The following TTC39B variants were observed in gnomAD, a reference collection of about 807,000 sequenced individuals.
TTC39B encodes tetratricopeptide repeat domain 39B, also known as tetratricopeptide repeat protein 39B.
A neutral mutation model predicts 96.6 loss-of-function variants in TTC39B; 92 were observed. The ratio of observed to expected loss-of-function variants is 0.95; its 90% CI spans 0.80 to 1.13. TTC39B has a LOEUF of 1.13. Among genes scored for constraint, TTC39B ranks in the 50% most tolerant of loss-of-function variants. The pLI, the probability that TTC39B is intolerant of heterozygous loss-of-function variation, is 0.00. For missense variants in TTC39B, 955 were observed against 809.3 expected (o/e 1.18, Z -2.18); for synonymous variants, 367 against 299.4 (o/e 1.23, Z -2.33).
At chr9:15,205,826 G>T (rs71513216) in intron 6 of TTC39B, among the ~76,000 whole-genome samples, 1 of 152,090 alleles carries the variant, frequency 6.6e-6, no homozygotes, top group Non-Finnish European at 1.5e-5. Context: ...TGGCAGCGGT[G>T]GGGGAGCCGG....
intron 16 of TTC39B, among the ~76,000 whole-genome samples, chr9:15,182,661 T>G (rs1295330214): frequency 6.6e-6 from 1 of 152,220 alleles, no homozygotes; most frequent in Admixed American, 6.5e-5. Flanking sequence ...TTAATTCTTT[T>G]GGAAGGTAAT....
chr9:15,185,465 T>A (rs765554624), intron 15 of TTC39B, 59 bp from the exon 16 acceptor site: 2 of 1,599,896 alleles, frequency 1.3e-6, no homozygotes, highest in Non-Finnish European at 1.7e-6. Context: ...ACATTATTTG[T>A]ACCTGTGGTT....
chr9:15,178,020 C>A (rs890629730), intron 17 of TTC39B, among the ~76,000 whole-genome samples: 2 of 151,846 alleles, frequency 1.3e-5, no homozygotes, highest in Non-Finnish European at 2.9e-5. Flanking sequence ...CAGGTGCCCA[C>A]CACCACGCCC....
chr9:15,191,564 G>C (rs7024176), intron 9 of TTC39B, among the ~76,000 whole-genome samples: 56,087 of 152,032 alleles, frequency 0.37, 11,234 homozygotes, highest in East Asian at 0.62. Context: ...CCACATCCAG[G>C]CAAGGTTTCT....
chr9:15,187,977 C>G (rs1233983324), exon 14 of TTC39B: 14 of 1,586,208 alleles, frequency 8.8e-6, no homozygotes, highest in Non-Finnish European at 1.2e-5. Flanking sequence ...TTACCTTGGA[C>G]CATTTACTCT....
At chr9:15,185,947 G>A (rs1017937022) in intron 15 of TTC39B, among the ~76,000 whole-genome samples, 1 of 152,102 alleles carries the variant, frequency 6.6e-6, no homozygotes, top group African/African-American at 2.4e-5. Flanking sequence ...AGGTTGTTTG[G>A]GAAATAATCA....
Position 15,303,848 on chromosome 9 carries a change from T to C in TTC39B, c.240+3236A>G, listed in dbSNP as rs370952359. Among the ~76,000 whole-genome samples, 33 of 152,078 alleles carry C rather than the reference T, an allele frequency of 2.2e-4. 3 individuals carry two copies. The highest frequency in any genetic ancestry group is 1.6e-3 in the Admixed American group (25 of 15,260). ...CTGGGTGTCACCATGTTGGTCAGGC[T>C]GGTCTCGAACTCCTGACCTCAGGTG... On this transcript the variant is annotated intron_variant, in intron 1 of 19. Transcript: ENST00000512701.
chr9:15,193,150 G>C (rs1818956338), intron 8 of TTC39B, among the ~76,000 whole-genome samples: 1 of 152,158 alleles, frequency 6.6e-6, no homozygotes, highest in Admixed American at 6.5e-5. Context: ...AAATAAATTA[G>C]GGCTTGGGAC....
At position 15,273,762 on chromosome 9, in the gene TTC39B, C is replaced by G. The variant is rs375768137; in HGVS notation, c.241-5814G>C. Among the ~76,000 whole-genome samples the G allele has an allele frequency of 1.6e-4, 24 of 152,250 alleles. No homozygotes were observed. In the East Asian group the frequency reaches 2.3e-3, roughly 15 times the overall value. On this transcript the variant is annotated intron_variant, in intron 1 of 19. Transcript: ENST00000512701. ...ACCAATGAAGCTGTGTGTTTGGTATCATGGACTCAAAGAACGCTACAACTG... is the reference window on the plus strand; with the variant it reads ...ACCAATGAAGCTGTGTGTTTGGTATGATGGACTCAAAGAACGCTACAACTG...
At position 15,166,979 on chromosome 9, in the gene TTC39B, A is replaced by AT. The variant is rs1371714154; in HGVS notation, c.*5039dup. 1.5e-4 allele frequency: 5 copies of AT among 33,432 alleles called. 1 individual carries two copies. Among genetic ancestry groups the AT allele is most frequent in the South Asian group, 2.1e-3 (2 of 936 alleles). 2.1% of individuals were successfully genotyped at this position (33,432 alleles called of 1,614,324 possible). On this transcript the variant is annotated 3_prime_UTR_variant, in exon 20 of 20. Transcript: ENST00000512701. ...GGGTAACATGTGTCCACAAACCTTTATTTTATATATATATATATATATATA... is the reference window on the plus strand; with the variant it reads ...GGGTAACATGTGTCCACAAACCTTTATTTTTATATATATATATATATATATA...
intron 2 of TTC39B, among the ~76,000 whole-genome samples, chr9:15,233,756 G>A (rs1433002398): frequency 1.3e-5 from 2 of 152,176 alleles, no homozygotes; most frequent in African/African-American, 2.4e-5. Context: ...AGCCGAGATT[G>A]CAGCCTCTGC....
chr9:15,249,957 T>C, intron 2 of TTC39B: 6 of 1,288,086 alleles, frequency 4.7e-6, no homozygotes, highest in Non-Finnish European at 6.1e-6. Context: ...ATGAATATAG[T>C]CCCACTATGA....
intron 7 of TTC39B, 81 bp downstream of exon 7, chr9:15,203,742 G>T: frequency 8.9e-7 from 1 of 1,120,834 alleles, no homozygotes; most frequent in South Asian, 1.6e-5. Context: ...CTGAAGCTTT[G>T]ACATAGAATG....
At chr9:15,192,684 G>C in exon 9 of TTC39B, 1 of 1,613,428 alleles carries the variant, frequency 6.2e-7, no homozygotes, top group Non-Finnish European at 8.5e-7. Context: ...ATGCAGGATA[G>C]AAAGACATTC....
In TTC39B at chr9:15,269,849, C is replaced by T. The variant is rs972392893; in HGVS notation, c.241-1901G>A. Among the ~76,000 whole-genome samples the T allele has an allele frequency of 6.0e-5, 8 of 132,328 alleles. No homozygotes were observed. The South Asian group carries it at 7.3e-4, about 12-fold the overall frequency. 86.8% of individuals were successfully genotyped at this position (132,328 alleles called of 152,430 possible). A position where few individuals can be genotyped will look rare whatever the true frequency, so the allele number is the denominator to read the frequency against. On this transcript the variant is annotated intron_variant, in intron 1 of 19. Transcript: ENST00000512701. ...CATCCTGTGTGACAGAGTGAGACTC[C>T]GTCTCCAAAAAAAAAGAAAAAAAAA... is the stretch of plus-strand genomic sequence containing the variant.
chr9:15,234,237 C>G (rs1346617980), intron 2 of TTC39B, among the ~76,000 whole-genome samples: 3 of 151,614 alleles, frequency 2.0e-5, no homozygotes, highest in Non-Finnish European at 4.4e-5. Flanking sequence ...CTCTGCCCGG[C>G]AGCCACCCCG....
chr9:15,211,508 A>G (rs1357203319), intron 4 of TTC39B, 111 bp from the exon 5 acceptor site: 2 of 982,556 alleles, frequency 2.0e-6, no homozygotes, highest in East Asian at 3.0e-5. Flanking sequence ...TTCCTTCACC[A>G]TAATCACTGA....
intron 16 of TTC39B, 59 bp from the exon 17 acceptor site, chr9:15,182,474 G>T: frequency 1.7e-6 from 2 of 1,164,172 alleles, no homozygotes; most frequent in Non-Finnish European, 2.5e-6. Context: ...TGTCCTTTAT[G>T]ATCCCCAAAC....
In TTC39B at chr9:15,218,665, T is replaced by C. The variant is rs138131658; in HGVS notation, c.372-4416A>G. 1.2e-4 allele frequency among the ~76,000 whole-genome samples: 17 copies of C among 147,442 alleles called. No individual in the cohort carries two copies. The East Asian group carries it at 3.3e-3, about 29-fold the overall frequency. ...ATATATATAATGAACACATAACTTA[T>C]AAAAATTTGGAACTATACTATATCA... On this transcript the variant is annotated intron_variant, in intron 3 of 19. Coordinates refer to ENST00000512701, the Ensembl canonical transcript of TTC39B.
Sources: allele counts gnomAD v4.1 joint callset (sites outside exome capture counted in the v4.1 genomes callset), GRCh38; gene constraint gnomAD v4.1.1; transcripts MANE v1.5; gene names NCBI Gene and HGNC (gene_info 2026-07-23, HGNC 2026-07-21).